The following LRMDA variants were observed in gnomAD, a reference collection of about 807,000 sequenced individuals.
LRMDA encodes leucine rich melanocyte differentiation associated.
In LRMDA, 18 loss-of-function variants were observed where a neutral mutation model predicts 29.8. The ratio of observed to expected loss-of-function variants is 0.60; its 90% confidence interval spans 0.42 to 0.90. The LOEUF is 0.90. Ranked by LOEUF, LRMDA falls within the 40% of genes least tolerant of loss-of-function variation. The pLI, the probability that LRMDA is intolerant of heterozygous loss-of-function variation, is 0.00. For synonymous variants in LRMDA, 125 were observed against 109.4 expected, an observed-to-expected ratio of 1.14 and a Z score of -0.89; for missense variants, 273 against 273.9, an observed-to-expected ratio of 1.00 and a Z score of 0.02.
chr10:76,455,668 T>G (rs1842449825), intron 6 of LRMDA, among the ~76,000 whole-genome samples: 1 of 152,186 alleles, frequency 6.6e-6, no homozygotes, highest in Non-Finnish European at 1.5e-5. Flanking sequence ...AGACAAGGCC[T>G]TACACACCGG....
intron 6 of LRMDA, among the ~76,000 whole-genome samples, chr10:76,330,044 A>C (rs1291155906): frequency 1.3e-5 from 2 of 152,154 alleles, no homozygotes; most frequent in Non-Finnish European, 2.9e-5. Context: ...GGCCAGAAAA[A>C]CTTCATGCCA....
Position 76,075,876 on chromosome 10 carries a change from A to T in LRMDA, c.516+17093A>T, listed in dbSNP as rs1321990074. On this transcript the variant is annotated intron_variant, in intron 5 of 6. Transcript: ENST00000611255. Reference sequence around the variant, plus strand: ...GGGTTCAACCTGGATTCAAATCCCCACTCTCCCATTGGCTATGGGATTTTG... The same window carrying T: ...GGGTTCAACCTGGATTCAAATCCCCTCTCTCCCATTGGCTATGGGATTTTG... Among the ~76,000 whole-genome samples, 3 of 151,876 alleles carry T rather than the reference A, an allele frequency of 2.0e-5. No homozygotes were observed. In the East Asian group the frequency reaches 5.8e-4, roughly 29 times the overall value.
At chr10:75,647,656 C>T (rs1344754416) in intron 2 of LRMDA, 2 of 152,114 alleles carry the variant, frequency 1.3e-5, no homozygotes, top group African/African-American at 4.8e-5. Context: ...TTGGTCAAGA[C>T]TCTTAATTGC....
intron 2 of LRMDA, among the ~76,000 whole-genome samples, chr10:75,874,795 T>A (rs1316264182): frequency 6.6e-6 from 1 of 152,200 alleles, no homozygotes; most frequent in Non-Finnish European, 1.5e-5. Context: ...TAATAGTATA[T>A]ACTAATGACA....
At chr10:76,296,566 A>G (rs375180163) in intron 5 of LRMDA, among the ~76,000 whole-genome samples, 20 of 152,300 alleles carry the variant, frequency 1.3e-4, no homozygotes, top group African/African-American at 4.6e-4. Context: ...TGAGTTAGAC[A>G]CCATTTAGTA....
chr10:76,010,859 A>C (rs1238633791), intron 2 of LRMDA, among the ~76,000 whole-genome samples: 2 of 152,242 alleles, frequency 1.3e-5, no homozygotes, highest in Non-Finnish European at 2.9e-5. Context: ...CAGAGATGCA[A>C]GCATGGCCAG....
chr10:76,070,619 G>T (rs1283119810), intron 5 of LRMDA, among the ~76,000 whole-genome samples: 1 of 152,196 alleles, frequency 6.6e-6, no homozygotes, highest in Non-Finnish European at 1.5e-5. Context: ...GAATTTGGGG[G>T]TACGCATTCA....
chr10:76,322,809 A>G (rs1432560602), intron 5 of LRMDA, among the ~76,000 whole-genome samples: 1 of 152,140 alleles, frequency 6.6e-6, no homozygotes, highest in Admixed American at 6.5e-5. Flanking sequence ...GAAGTATGAT[A>G]GATCTAGGGA....
At chr10:75,511,887 C>T (rs555343459) in intron 2 of LRMDA, among the ~76,000 whole-genome samples, 8 of 152,348 alleles carry the variant, frequency 5.3e-5, no homozygotes, top group African/African-American at 9.6e-5. Context: ...TCCTGTCCTC[C>T]TCCTCTTCTG....
chr10:75,651,117 T>C (rs945912970), intron 2 of LRMDA, among the ~76,000 whole-genome samples: 1 of 152,236 alleles, frequency 6.6e-6, no homozygotes, highest in Non-Finnish European at 1.5e-5. Flanking sequence ...GTCTTCCTTC[T>C]TTCTTGCCTT....
intron 2 of LRMDA, among the ~76,000 whole-genome samples, chr10:75,961,102 T>A (rs759615676): frequency 6.6e-5 from 10 of 152,152 alleles, no homozygotes; most frequent in Non-Finnish European, 1.5e-5. Flanking sequence ...TCTGGAACTC[T>A]CTCTCCCATA....
At chr10:75,742,023 G>A (rs1037473687) in intron 2 of LRMDA, among the ~76,000 whole-genome samples, 1 of 152,130 alleles carries the variant, frequency 6.6e-6, no homozygotes, top group South Asian at 2.1e-4. Flanking sequence ...AGGCCATGCC[G>A]GCACCCTGAC....
chr10:75,563,379 A>T (rs945386296), intron 2 of LRMDA, among the ~76,000 whole-genome samples: 2 of 152,084 alleles, frequency 1.3e-5, no homozygotes, highest in Non-Finnish European at 2.9e-5. Context: ...TTTCAGCTTC[A>T]TCAGCTCCTT....
intron 6 of LRMDA, among the ~76,000 whole-genome samples, chr10:76,328,707 G>A (rs1179926101): frequency 6.6e-6 from 1 of 152,202 alleles, no homozygotes; most frequent in Non-Finnish European, 1.5e-5. Flanking sequence ...AGGAGCTACA[G>A]CATCCCACTT....
chr10:75,648,761 G>A (rs1021827503), intron 2 of LRMDA, among the ~76,000 whole-genome samples: 6 of 152,142 alleles, frequency 3.9e-5, no homozygotes, highest in Non-Finnish European at 8.8e-5. Context: ...GGAAGGAGCA[G>A]GTAACTAAGG....
chr10:75,703,254 C>T (rs181040373), intron 2 of LRMDA, among the ~76,000 whole-genome samples: 2 of 152,148 alleles, frequency 1.3e-5, no homozygotes, highest in East Asian at 3.9e-4. Flanking sequence ...ACGCTTTTCC[C>T]AGGAAGGGAA....
intron 6 of LRMDA, among the ~76,000 whole-genome samples, chr10:76,421,699 G>T (rs1842073277): frequency 6.6e-6 from 1 of 151,974 alleles, no homozygotes; most frequent in Non-Finnish European, 1.5e-5. Context: ...TCCTTCATTT[G>T]CTGTTTTGCA....
chr10:75,784,457 T>TG (rs1843437057), intron 2 of LRMDA, among the ~76,000 whole-genome samples: 2 of 152,094 alleles, frequency 1.3e-5, no homozygotes, highest in African/African-American at 4.8e-5. Flanking sequence ...TGCAGCACTT[T>TG]GGGAGGCTGA....
At chr10:76,354,041 A>C (rs1841209937) in intron 6 of LRMDA, among the ~76,000 whole-genome samples, 1 of 152,140 alleles carries the variant, frequency 6.6e-6, no homozygotes, top group Non-Finnish European at 1.5e-5. Context: ...GTTGCAAGGG[A>C]TGGGCAGGAA....
Sources: allele counts gnomAD v4.1 joint callset (sites outside exome capture counted in the v4.1 genomes callset), GRCh38; gene constraint gnomAD v4.1.1; transcripts MANE v1.5; gene names NCBI Gene and HGNC (gene_info 2026-07-23, HGNC 2026-07-21).